HTR2A: variants seen among roughly 807,000 people sequenced by gnomAD.
HTR2A encodes the protein 5-HT2 receptor.
In HTR2A, 14 loss-of-function variants were observed where a neutral mutation model predicts 31.0. That is an observed-to-expected ratio of 0.45 (90% CI 0.30 to 0.71). The LOEUF is 0.71. HTR2A is among the 30% of genes least tolerant of loss of function. The pLI, the probability that HTR2A is intolerant of heterozygous loss-of-function variation, is 0.09. For synonymous variants in HTR2A, 209 were observed against 225.2 expected (o/e 0.93, Z 0.64); for missense variants, 442 against 573.3 (o/e 0.77, Z 2.34).
chr13:46,841,249 G>A (rs779513230), intron 3 of HTR2A, among the ~76,000 whole-genome samples: 12 of 151,938 alleles, frequency 7.9e-5, no homozygotes, highest in Admixed American at 2.6e-4. Flanking sequence ...CTAATACGCC[G>A]ATGTTGCATG....
At chr13:46,880,124 C>T (rs756990177) in intron 3 of HTR2A, among the ~76,000 whole-genome samples, 2 of 152,164 alleles carry the variant, frequency 1.3e-5, no homozygotes, top group Non-Finnish European at 2.9e-5. Flanking sequence ...AAATTTTCTC[C>T]AGCAGGTCTG....
intron 3 of HTR2A, among the ~76,000 whole-genome samples, chr13:46,858,685 A>T (rs931580498): frequency 2.0e-5 from 3 of 152,200 alleles, no homozygotes; most frequent in Admixed American, 1.3e-4. Context: ...CTAAGGCTGA[A>T]CAGAGAGGGT....
At chr13:46,860,046 C>G (rs758094198) in intron 3 of HTR2A, among the ~76,000 whole-genome samples, 12 of 152,118 alleles carry the variant, frequency 7.9e-5, no homozygotes, top group Non-Finnish European at 1.8e-4. Context: ...CTGCTCAGAG[C>G]CCTGGAAGTC....
At chr13:46,886,747 T>C (rs1292770336) in intron 3 of HTR2A, among the ~76,000 whole-genome samples, 4 of 152,240 alleles carry the variant, frequency 2.6e-5, no homozygotes, top group African/African-American at 4.8e-5. Flanking sequence ...AGCAAGGTAA[T>C]ACTATGAGCT....
chr13:46,878,842 C>T (rs751995687), intron 3 of HTR2A, among the ~76,000 whole-genome samples: 1 of 152,018 alleles, frequency 6.6e-6, no homozygotes, highest in Admixed American at 6.5e-5. Flanking sequence ...TTTATACTGC[C>T]TCACCCCTAA....
chr13:46,896,777 C>T lies in HTR2A; in HGVS notation c.-432G>A. ...GTAGAGTCCCCTCTTCTTGATCTTC[C>T]ACCAGCATAATATGATAGTAATTTG... is the stretch of plus-strand genomic sequence containing the variant. On this transcript the variant is annotated 5_prime_UTR_variant, in exon 1 of 4. Coordinates refer to ENST00000542664, the MANE Select transcript of HTR2A (RefSeq NM_000621.5). 1 of 1,536,466 alleles carries T rather than the reference C, an allele frequency of 6.5e-7. No individual in the cohort carries two copies. The highest frequency in any genetic ancestry group is 8.7e-7 in the Non-Finnish European group (1 of 1,146,362).
At chr13:46,873,591 A>C (rs1950882111) in intron 3 of HTR2A, among the ~76,000 whole-genome samples, 3 of 151,506 alleles carry the variant, frequency 2.0e-5, no homozygotes, top group South Asian at 4.2e-4. Flanking sequence ...TGCTATCCCT[A>C]CCCCCTCCCC....
chr13:46,854,991 T>C (rs1189669724), intron 3 of HTR2A, among the ~76,000 whole-genome samples: 1 of 152,156 alleles, frequency 6.6e-6, no homozygotes. Flanking sequence ...TACGCTGAGA[T>C]AACATTATGT....
At chr13:46,872,911 A>G (rs1356176081) in intron 3 of HTR2A, among the ~76,000 whole-genome samples, 2 of 151,978 alleles carry the variant, frequency 1.3e-5, no homozygotes, top group African/African-American at 4.8e-5. Context: ...TTATTTTGAG[A>G]TGGAGTTTTG....
At chr13:46,892,353 C>A in intron 3 of HTR2A, 37 bp downstream of exon 3, 1 of 1,574,514 alleles carries the variant, frequency 6.4e-7, no homozygotes, top group Non-Finnish European at 8.7e-7. Context: ...CACGAACTGT[C>A]ATTTCAAATG....
chr13:46,837,891 CT>C (rs1950572967), intron 3 of HTR2A, among the ~76,000 whole-genome samples: 1 of 152,348 alleles, frequency 6.6e-6, no homozygotes, highest in African/African-American at 2.4e-5. Flanking sequence ...ATCCAGGATT[CT>C]TGGAAGGTGG....
chr13:46,889,627 G>A (rs1047177867), intron 3 of HTR2A, among the ~76,000 whole-genome samples: 1 of 152,152 alleles, frequency 6.6e-6, no homozygotes, highest in Admixed American at 6.5e-5. Flanking sequence ...TCAATAGCTT[G>A]AAGAGAAAAT....
chr13:46,873,356 CT>C (rs1157240154), intron 3 of HTR2A, among the ~76,000 whole-genome samples: 2 of 150,700 alleles, frequency 1.3e-5, no homozygotes, highest in African/African-American at 2.4e-5. Context: ...TTTCAAATTT[CT>C]TTTTTTAATT....
At chr13:46,868,805 A>G (rs1362012308) in intron 3 of HTR2A, among the ~76,000 whole-genome samples, 1 of 152,210 alleles carries the variant, frequency 6.6e-6, no homozygotes, top group Non-Finnish European at 1.5e-5. Flanking sequence ...TAAATGTGGA[A>G]CAAAAAAGTT....
intron 3 of HTR2A, among the ~76,000 whole-genome samples, chr13:46,849,814 A>G (rs1473960187): frequency 1.3e-5 from 2 of 151,978 alleles, no homozygotes; most frequent in African/African-American, 4.8e-5. Context: ...TGGTCTATTT[A>G]TTTGCTTGTC....
intron 3 of HTR2A, among the ~76,000 whole-genome samples, chr13:46,855,864 C>T (rs1037894484): frequency 1.3e-5 from 2 of 152,146 alleles, no homozygotes; most frequent in South Asian, 4.1e-4. Context: ...TGGGTGGGGT[C>T]CGCAAAAGTA....
At chr13:46,863,046 G>A (rs1200337602) in intron 3 of HTR2A, among the ~76,000 whole-genome samples, 1 of 152,114 alleles carries the variant, frequency 6.6e-6, no homozygotes, top group African/African-American at 2.4e-5. Flanking sequence ...CATGTGCATT[G>A]GAGAATAAAA....
Position 46,876,630 on chromosome 13 carries a change from A to T in HTR2A, c.613+15760T>A, listed in dbSNP as rs545776646. ...ACTGGGTTTCACTGTGTTAGCCAGG[A>T]TGGTCTCGATCTCCTGACCTTGTGA... On this transcript the variant is annotated intron_variant, in intron 3 of 3. Coordinates refer to ENST00000542664, the MANE Select transcript of HTR2A (RefSeq NM_000621.5). Among the ~76,000 whole-genome samples the T allele has an allele frequency of 8.6e-5, 13 of 151,528 alleles. 1 individual carries two copies. The South Asian group carries it at 2.5e-3, about 29-fold the overall frequency.
At chr13:46,841,847 G>T (rs886121775) in intron 3 of HTR2A, among the ~76,000 whole-genome samples, 1 of 152,084 alleles carries the variant, frequency 6.6e-6, no homozygotes, top group African/African-American at 2.4e-5. Context: ...CATCTCTCTT[G>T]TCTCAGAGAA....
Sources: allele counts gnomAD v4.1 joint callset (sites outside exome capture counted in the v4.1 genomes callset), GRCh38; gene constraint gnomAD v4.1.1; transcripts MANE v1.5; gene names NCBI Gene and HGNC (gene_info 2026-07-23, HGNC 2026-07-21).